Variants in PLGRKT observed in about 807,000 individuals in gnomAD.
The protein encoded by PLGRKT is plasminogen receptor (KT).
In PLGRKT, 22 loss-of-function variants were observed where a neutral mutation model predicts 18.5. The observed-to-expected ratio is 1.19, with a 90% CI of 0.85 to 1.70. PLGRKT has a LOEUF of 1.70. Ranked by LOEUF, PLGRKT falls within the 40% of genes most tolerant of loss-of-function variation. The pLI, the probability that PLGRKT is intolerant of heterozygous loss-of-function variation, is 0.00. For synonymous variants in PLGRKT, 72 were observed against 52.8 expected, an observed-to-expected ratio of 1.36 and a Z score of -1.58; for missense variants, 235 against 174.4, an observed-to-expected ratio of 1.35 and a Z score of -1.96.
At chr9:5,405,467 C>T (rs958841556) in intron 3 of PLGRKT, among the ~76,000 whole-genome samples, 1 of 152,168 alleles carries the variant, frequency 6.6e-6, no homozygotes, top group Admixed American at 6.5e-5. Flanking sequence ...ATATCTACAA[C>T]TGTCTGATCT....
At chr9:5,367,907 T>A (rs1309567739) in intron 3 of PLGRKT, among the ~76,000 whole-genome samples, 1 of 151,398 alleles carries the variant, frequency 6.6e-6, no homozygotes, top group Non-Finnish European at 1.5e-5. Flanking sequence ...AACCAAATAA[T>A]CCCATTAAAA....
chr9:5,434,344 A>T (rs1818912291), intron 2 of PLGRKT, among the ~76,000 whole-genome samples: 1 of 125,726 alleles, frequency 8.0e-6, no homozygotes, highest in South Asian at 2.5e-4. Context: ...CCCGTCTGGG[A>T]GGTGAGGAGC....
chr9:5,365,873 G>C (rs1817374541), intron 3 of PLGRKT, among the ~76,000 whole-genome samples: 3 of 152,030 alleles, frequency 2.0e-5, no homozygotes, highest in Non-Finnish European at 4.4e-5. Flanking sequence ...TTCTGAGTCG[G>C]TTCCCTTACT....
Position 5,418,843 on chromosome 9 carries a change from TG to T in PLGRKT, c.81+13053del. 1 of 1,067,814 alleles carries T rather than the reference TG, an allele frequency of 9.4e-7. No individual in the cohort carries two copies. Among genetic ancestry groups the T allele is most frequent in the Non-Finnish European group, 1.4e-6 (1 of 694,564 alleles). The allele number at this position is 1,067,814 out of a possible 1,614,324, so 66.1% of individuals were successfully genotyped here. On this transcript the variant is annotated intron_variant, in intron 3 of 5. Transcript: ENST00000223864. The surrounding 1 kb of genome is among the most constrained non-coding windows in gnomAD (Gnocchi z 4.2). Reference sequence around the variant, plus strand: ...GCACCAGGGGCATCGCACATCCTTCTGGCTGGTCCTCGTCTGCTGGAGGCAA... The same window carrying T: ...GCACCAGGGGCATCGCACATCCTTCTGCTGGTCCTCGTCTGCTGGAGGCAA...
At chr9:5,431,437 G>T (rs1226437825) in intron 3 of PLGRKT, among the ~76,000 whole-genome samples, 2 of 150,896 alleles carry the variant, frequency 1.3e-5, no homozygotes, top group African/African-American at 4.9e-5. Context: ...GGGAGGCTGA[G>T]GCACAAGAAT....
intron 3 of PLGRKT, among the ~76,000 whole-genome samples, chr9:5,383,322 A>G (rs996418728): frequency 1.3e-5 from 2 of 152,184 alleles, no homozygotes; most frequent in African/African-American, 4.8e-5. Flanking sequence ...GTTTAAAACT[A>G]GCACACTTGT....
At chr9:5,363,417 C>A (rs1157309948) in intron 3 of PLGRKT, among the ~76,000 whole-genome samples, 1 of 151,698 alleles carries the variant, frequency 6.6e-6, no homozygotes, top group Non-Finnish European at 1.5e-5. Context: ...GTCCCCTGGC[C>A]CAAGGTTTTG....
intron 3 of PLGRKT, among the ~76,000 whole-genome samples, chr9:5,419,218 A>G (rs554558942): frequency 6.6e-6 from 1 of 152,372 alleles, no homozygotes; most frequent in South Asian, 2.1e-4. Flanking sequence ...GGCAATTTTC[A>G]AAGACCATGG....
intron 3 of PLGRKT, among the ~76,000 whole-genome samples, chr9:5,409,191 G>A (rs986877461): frequency 1.3e-5 from 2 of 152,214 alleles, no homozygotes; most frequent in African/African-American, 4.8e-5. Flanking sequence ...TGATTGGATT[G>A]AAGGATGCAA....
At chr9:5,371,102 A>C (rs1817505907) in intron 3 of PLGRKT, among the ~76,000 whole-genome samples, 1 of 152,228 alleles carries the variant, frequency 6.6e-6, no homozygotes, top group African/African-American at 2.4e-5. Context: ...CGTACATGTA[A>C]CATCTTATTA....
intron 3 of PLGRKT, among the ~76,000 whole-genome samples, chr9:5,371,165 C>T (rs941676179): frequency 1.3e-5 from 2 of 152,082 alleles, no homozygotes; most frequent in Non-Finnish European, 2.9e-5. Context: ...TGGCAAAAAC[C>T]TGTGTTTTAT....
chr9:5,368,906 G>C (rs374819095), intron 3 of PLGRKT, among the ~76,000 whole-genome samples: 92 of 152,256 alleles, frequency 6.0e-4, no homozygotes, highest in African/African-American at 2.2e-3. Context: ...CTAGCCATAT[G>C]CAGAAAACTG....
intron 3 of PLGRKT, among the ~76,000 whole-genome samples, chr9:5,379,910 T>C (rs1329677334): frequency 6.6e-6 from 1 of 152,210 alleles, no homozygotes; most frequent in Non-Finnish European, 1.5e-5. Flanking sequence ...GGAAGTTACC[T>C]ACTAAAATAT....
chr9:5,421,065 T>C (rs942236954), intron 3 of PLGRKT, among the ~76,000 whole-genome samples: 6 of 152,208 alleles, frequency 3.9e-5, no homozygotes, highest in African/African-American at 1.4e-4. Context: ...CTTTAATGGC[T>C]TCCCACGTCA....
At chr9:5,364,170 CA>C (rs1463223204) in intron 3 of PLGRKT, among the ~76,000 whole-genome samples, 7 of 152,138 alleles carry the variant, frequency 4.6e-5, no homozygotes, top group African/African-American at 1.7e-4. Context: ...CCAACTAAAC[CA>C]AGTGGGATCA....
intron 3 of PLGRKT, among the ~76,000 whole-genome samples, chr9:5,369,898 T>C (rs1161827105): frequency 6.6e-6 from 1 of 151,518 alleles, no homozygotes; most frequent in African/African-American, 2.4e-5. Flanking sequence ...TGAGAACAAA[T>C]GGACACAGGG....
At chr9:5,362,803 G>C (rs1586697795) in intron 3 of PLGRKT, among the ~76,000 whole-genome samples, 4 of 152,208 alleles carry the variant, frequency 2.6e-5, no homozygotes, top group Admixed American at 2.6e-4. Context: ...TTGGCTCCTT[G>C]GCCTATTTGG....
chr9:5,398,063 A>T (rs1334494334), intron 3 of PLGRKT, among the ~76,000 whole-genome samples: 1 of 151,946 alleles, frequency 6.6e-6, no homozygotes, highest in African/African-American at 2.4e-5. Context: ...GGACTAGAGC[A>T]GGTAGATTAG....
At chr9:5,369,284 C>T (rs879209764) in intron 3 of PLGRKT, among the ~76,000 whole-genome samples, 6 of 151,330 alleles carry the variant, frequency 4.0e-5, no homozygotes, top group South Asian at 2.1e-4. Context: ...AAAAAGTGGG[C>T]GAATAGACAC....
Sources: gnomAD v4.1 joint callset for allele counts (sites outside exome capture counted in the v4.1 genomes callset) on GRCh38, gnomAD v4.1.1 for gene constraint, Gnocchi (gnomAD v3.1) non-coding constraint, MANE v1.5 for transcripts, NCBI Gene and HGNC (gene_info 2026-07-23, HGNC 2026-07-21) for gene names.